COLEC12: variants seen among roughly 807,000 people sequenced by gnomAD.
The protein encoded by COLEC12 is collectin subfamily member 12, also known as collectin-12.
In COLEC12, 33 loss-of-function variants were observed where a neutral mutation model predicts 71.1. The observed-to-expected ratio is 0.46, with a 90% CI of 0.35 to 0.62. The LOEUF (loss-of-function observed/expected upper bound fraction) is 0.62. Among genes scored for constraint, COLEC12 ranks in the 20% least tolerant of loss-of-function variants. COLEC12 has a pLI of 0.00. For missense variants in COLEC12, 765 were observed against 916.1 expected (o/e 0.84, Z 2.13); for synonymous variants, 350 against 353.0 (o/e 0.99, Z 0.10).
chr18:481,914 T>G (rs1178562141), intron 1 of COLEC12, among the ~76,000 whole-genome samples: 1 of 152,096 alleles, frequency 6.6e-6, no homozygotes, highest in African/African-American at 2.4e-5. Flanking sequence ...CTTTTTTTTT[T>G]CTTTCCAAAT....
intron 8 of COLEC12, among the ~76,000 whole-genome samples, chr18:326,702 T>C (rs1913852470): frequency 1.3e-5 from 2 of 152,174 alleles, no homozygotes; most frequent in South Asian, 4.1e-4. Flanking sequence ...TGGCCCAGAA[T>C]ATAGTTCATC....
At chr18:436,408 C>T (rs553678055) in intron 2 of COLEC12, among the ~76,000 whole-genome samples, 10 of 148,990 alleles carry the variant, frequency 6.7e-5, no homozygotes, top group South Asian at 2.2e-4. Flanking sequence ...CCAGATGGTC[C>T]GGAGGCTGAG....
At chr18:366,075 GTAGCAGGCAGTAGTT>G (rs1914850192) in intron 2 of COLEC12, among the ~76,000 whole-genome samples, 1 of 152,176 alleles carries the variant, frequency 6.6e-6, no homozygotes, top group African/African-American at 2.4e-5. Flanking sequence ...CAAGGTGTAA[GTAGCAGGCAGTAGTT>G]ATACTGGTGA....
chr18:338,984 A>ATTTTTTTT (rs33991062), intron 5 of COLEC12, among the ~76,000 whole-genome samples: 36 of 144,450 alleles, frequency 2.5e-4, no homozygotes, highest in South Asian at 8.9e-4. Flanking sequence ...TATTGTCTTA[A>ATTTTTTTT]TTTTTTTTTT....
rs34263909 is a variant in COLEC12, at chr18:406,515, C to CAAAA, written c.59-48997_59-48994dup. On this transcript the variant is annotated intron_variant, in intron 2 of 9. Transcript: ENST00000400256. ...TGGACGACAGAGCGAGACTCCGTCTCAAAAAAAAAAAAAAAAAAAAAAAAA... is the reference window on the plus strand; with the variant it reads ...TGGACGACAGAGCGAGACTCCGTCTCAAAAAAAAAAAAAAAAAAAAAAAAAAAAA... Among the ~76,000 whole-genome samples the CAAAA allele has an allele frequency of 8.8e-4, 80 of 90,444 alleles. 2 individuals are homozygous for CAAAA. Among genetic ancestry groups the CAAAA allele is most frequent in the East Asian group, 7.2e-3 (17 of 2,372 alleles). 59.3% of individuals were successfully genotyped at this position (90,444 alleles called of 152,430 possible).
rs1036450795 is a variant in COLEC12, at chr18:500,373, G to C, written c.7+135C>G. On this transcript the variant is annotated intron_variant, in intron 1 of 9. Coordinates refer to ENST00000400256, the MANE Select transcript of COLEC12 (RefSeq NM_130386.3). The surrounding 1 kb of genome is among the most constrained non-coding windows in gnomAD (Gnocchi z 5.3). ...GCCCCCAGTGTCCGCGCACGAACCC[G>C]GCGCCCTGGCAGCCCCGACTCCCCG... 5.4e-6 allele frequency: 3 copies of C among 559,012 alleles called. No individual in the cohort carries two copies. The highest frequency in any genetic ancestry group is 7.9e-6 in the Non-Finnish European group (3 of 381,334). 34.6% of individuals were successfully genotyped at this position (559,012 alleles called of 1,614,324 possible).
chr18:432,367 G>A (rs1050893299), intron 2 of COLEC12, among the ~76,000 whole-genome samples: 3 of 152,038 alleles, frequency 2.0e-5, no homozygotes, highest in Non-Finnish European at 4.4e-5. Flanking sequence ...GGACACTCCC[G>A]CTAGAAAAGG....
At chr18:447,589 G>T (rs900063134) in intron 2 of COLEC12, among the ~76,000 whole-genome samples, 8 of 152,186 alleles carry the variant, frequency 5.3e-5, no homozygotes, top group African/African-American at 1.9e-4. Context: ...ACCTGTGTGT[G>T]CTGAGAATCT....
At position 346,120 on chromosome 18, in the gene COLEC12, C is replaced by T. The variant is rs1470439613; in HGVS notation, c.1327+175G>A. Among the ~76,000 whole-genome samples the T allele has an allele frequency of 1.3e-5, 2 of 152,224 alleles. No homozygotes were observed. Among genetic ancestry groups the T allele is most frequent in the African/African-American group, 4.8e-5 (2 of 41,458 alleles). On this transcript the variant is annotated intron_variant, in intron 5 of 9. Coordinates refer to ENST00000400256, the MANE Select transcript of COLEC12 (RefSeq NM_130386.3). The surrounding 1 kb of genome is among the most constrained non-coding windows in gnomAD (Gnocchi z 4.0). ...TGCAGCTCTGGCTGAGATCTTGACACAACCTCATGAAAAACAGTGAGTCAG... is the reference window on the plus strand; with the variant it reads ...TGCAGCTCTGGCTGAGATCTTGACATAACCTCATGAAAAACAGTGAGTCAG...
chr18:356,888 C>G (rs564797935), intron 3 of COLEC12, among the ~76,000 whole-genome samples: 2 of 152,244 alleles, frequency 1.3e-5, no homozygotes, highest in African/African-American at 4.8e-5. Context: ...TTAATTTCTA[C>G]AGGGCAGTAT....
chr18:414,004 G>A (rs1356209393), intron 2 of COLEC12, among the ~76,000 whole-genome samples: 1 of 152,138 alleles, frequency 6.6e-6, no homozygotes, highest in Non-Finnish European at 1.5e-5. Flanking sequence ...AGAAGTAGGT[G>A]GAGGAAAGGG....
intron 2 of COLEC12, among the ~76,000 whole-genome samples, chr18:358,999 A>G (rs1418788525): frequency 1.3e-5 from 2 of 151,956 alleles, no homozygotes; most frequent in Non-Finnish European, 2.9e-5. Flanking sequence ...GATAATTACG[A>G]TGATAATTTC....
At chr18:431,755 G>A (rs1437341713) in intron 2 of COLEC12, among the ~76,000 whole-genome samples, 3 of 152,114 alleles carry the variant, frequency 2.0e-5, no homozygotes, top group East Asian at 3.9e-4. Flanking sequence ...ACTGGTCCTC[G>A]GTTCCCTTCA....
At chr18:492,023 G>A (rs1917628291) in intron 1 of COLEC12, among the ~76,000 whole-genome samples, 1 of 152,178 alleles carries the variant, frequency 6.6e-6, no homozygotes, top group Non-Finnish European at 1.5e-5. Context: ...ATATTTTGTA[G>A]GGGGGTAATT....
intron 2 of COLEC12, among the ~76,000 whole-genome samples, chr18:392,742 A>G (rs1470222795): frequency 6.6e-6 from 1 of 152,228 alleles, no homozygotes; most frequent in East Asian, 1.9e-4. Context: ...ACAGCAAGAC[A>G]TGTGCTGTCA....
rs754847272 is a variant in COLEC12 at position 480,713 on chromosome 18, G to T, written c.52C>A (p.Arg18=). The part of the protein sequence containing the change: ...EEEVQSFGYK[R]FGIQEGTQCT... Reference sequence around the variant, plus strand: ...CAGCTTTGTTAGGACTCACCAAACCGCTTGTAACCGAAGGATTGCACCTCC... The same window carrying T: ...CAGCTTTGTTAGGACTCACCAAACCTCTTGTAACCGAAGGATTGCACCTCC... Residue 18 remains arginine (R), a synonymous_variant, in exon 2 of 10, where the codon CGG becomes AGG. Coordinates refer to ENST00000400256, the MANE Select transcript of COLEC12 (RefSeq NM_130386.3). This position sits in a 1 kb window ranked among gnomAD's most constrained non-coding sequence, Gnocchi z 4.1. The T allele has an allele frequency of 1.9e-6, 3 of 1,613,898 alleles. No homozygotes were observed. The highest frequency in any genetic ancestry group is 2.5e-6 in the Non-Finnish European group (3 of 1,179,818).
intron 2 of COLEC12, among the ~76,000 whole-genome samples, chr18:472,859 T>C (rs1917228364): frequency 6.6e-6 from 1 of 151,192 alleles, no homozygotes; most frequent in African/African-American, 2.4e-5. Flanking sequence ...TCAGAGAGAA[T>C]GAGGACTGCT....
At chr18:386,126 T>G (rs549757465) in intron 2 of COLEC12, among the ~76,000 whole-genome samples, 7 of 152,286 alleles carry the variant, frequency 4.6e-5, no homozygotes, top group African/African-American at 1.4e-4. Context: ...AGGCTTCAGT[T>G]TGACCCTTGA....
At chr18:390,771 GAAGA>G (rs1915447052) in intron 2 of COLEC12, among the ~76,000 whole-genome samples, 1 of 151,988 alleles carries the variant, frequency 6.6e-6, no homozygotes, top group South Asian at 2.1e-4. Context: ...GAAAAAAAAA[GAAGA>G]AAAATGATAG....
Sources: gnomAD v4.1 joint callset for allele counts (sites outside exome capture counted in the v4.1 genomes callset) on GRCh38, gnomAD v4.1.1 for gene constraint, Gnocchi (gnomAD v3.1) non-coding constraint, MANE v1.5 for transcripts, NCBI Gene and HGNC (gene_info 2026-07-23, HGNC 2026-07-21) for gene names.